ERBB4: variants seen among roughly 807,000 people sequenced by gnomAD.
The protein encoded by ERBB4 is erb-b2 receptor tyrosine kinase 4, also known as receptor tyrosine-protein kinase erbB-4.
Under a neutral mutation model 158.0 loss-of-function variants are expected in ERBB4, and 42 were observed. That is an observed-to-expected ratio of 0.27 (90% CI 0.21 to 0.34). ERBB4 has a LOEUF of 0.34. ERBB4 is among the 10% of genes least tolerant of loss of function. ERBB4 has a pLI of 1.00. For synonymous variants in ERBB4, 583 were observed against 558.7 expected, an observed-to-expected ratio of 1.04 and a Z score of -0.61; for missense variants, 1,333 against 1,624.1, an observed-to-expected ratio of 0.82 and a Z score of 3.08.
chr2:212,335,964 G>A (rs1355657899), intron 1 of ERBB4, among the ~76,000 whole-genome samples: 2 of 151,918 alleles, frequency 1.3e-5, no homozygotes, highest in Non-Finnish European at 2.9e-5. Context: ...ATTGTACAAT[G>A]CCTAATATAC....
At chr2:211,827,531 AT>A (rs1186975771) in intron 3 of ERBB4, among the ~76,000 whole-genome samples, 2 of 151,680 alleles carry the variant, frequency 1.3e-5, no homozygotes, top group African/African-American at 4.8e-5. Flanking sequence ...TTGGGATTTT[AT>A]TTTTAAAAAT....
At chr2:212,124,538 C>A in intron 2 of ERBB4, 1 of 568,004 alleles carries the variant, frequency 1.8e-6, no homozygotes, top group Non-Finnish European at 3.1e-6. Context: ...AGGGCAACAG[C>A]AACTGCTTTA....
chr2:212,208,601 G>A (rs144226208), intron 1 of ERBB4, among the ~76,000 whole-genome samples: 1 of 152,200 alleles, frequency 6.6e-6, no homozygotes, highest in East Asian at 1.9e-4. Context: ...TAATAATGAT[G>A]GATTTAAAGT....
intron 4 of ERBB4, among the ~76,000 whole-genome samples, chr2:211,762,941 TCTC>T (rs1305721507): frequency 2.0e-5 from 3 of 152,128 alleles, no homozygotes; most frequent in African/African-American, 7.2e-5. Flanking sequence ...ACTAAACCAT[TCTC>T]CTCAAGTATT....
intron 1 of ERBB4, among the ~76,000 whole-genome samples, chr2:212,198,521 T>C (rs1315922460): frequency 1.3e-5 from 2 of 152,174 alleles, no homozygotes; most frequent in Non-Finnish European, 2.9e-5. Flanking sequence ...AATCGTATTG[T>C]AGTATGTGTT....
At position 211,967,653 on chromosome 2, in the gene ERBB4, T is replaced by C. The variant is rs1000398148; in HGVS notation, c.235-20037A>G. On this transcript the variant is annotated intron_variant, in intron 2 of 27. Coordinates refer to ENST00000342788, the MANE Select transcript of ERBB4 (RefSeq NM_005235.3). ...AATAAAGAATTACATAGAATATATA[T>C]GCAGGTTATTTTGAAGATTATAATA... 2.0e-5 allele frequency among the ~76,000 whole-genome samples: 3 copies of C among 152,064 alleles called. No individual in the cohort carries two copies. The East Asian group carries it at 5.8e-4, about 29-fold the overall frequency.
chr2:212,246,753 A>G (rs1414859599), intron 1 of ERBB4, among the ~76,000 whole-genome samples: 1 of 152,200 alleles, frequency 6.6e-6, no homozygotes, highest in Non-Finnish European at 1.5e-5. Flanking sequence ...AGAGAAAAAA[A>G]TAATAGGAAG....
At chr2:212,505,443 C>G (rs1328377965) in intron 1 of ERBB4, among the ~76,000 whole-genome samples, 2 of 124,086 alleles carry the variant, frequency 1.6e-5, no homozygotes, top group Non-Finnish European at 2.0e-5. Context: ...CAAGTGAGGA[C>G]ACAATGAGGT....
intron 3 of ERBB4, among the ~76,000 whole-genome samples, chr2:211,861,026 A>T (rs10166092): frequency 8.0e-4 from 6 of 7,512 alleles, no homozygotes; most frequent in Admixed American, 2.4e-3. Flanking sequence ...TTATATATAT[A>T]TAAATATAAT....
intron 3 of ERBB4, among the ~76,000 whole-genome samples, chr2:211,869,672 G>A (rs2106109456): frequency 6.6e-6 from 1 of 152,186 alleles, no homozygotes; most frequent in South Asian, 2.1e-4. Flanking sequence ...AAATTACATT[G>A]CTTAAAATAT....
chr2:212,254,379 A>G (rs933106245), intron 1 of ERBB4, among the ~76,000 whole-genome samples: 2 of 152,192 alleles, frequency 1.3e-5, no homozygotes, highest in African/African-American at 2.4e-5. Context: ...TGATCACACC[A>G]CAGAGGAAAC....
intron 3 of ERBB4, among the ~76,000 whole-genome samples, chr2:211,887,242 T>C (rs2078827345): frequency 7.6e-6 from 1 of 132,114 alleles, no homozygotes; most frequent in Non-Finnish European, 1.7e-5. Flanking sequence ...AGTTGAAAGA[T>C]AACAGAGGAT....
intron 14 of ERBB4, 30 bp downstream of exon 14, chr2:211,673,134 C>T (rs2105938578): frequency 1.4e-6 from 2 of 1,471,504 alleles, no homozygotes; most frequent in Non-Finnish European, 1.9e-6. Context: ...ACTAAATAAG[C>T]CAACACACCA....
intron 1 of ERBB4, among the ~76,000 whole-genome samples, chr2:212,195,864 T>C (rs1011479150): frequency 3.3e-5 from 5 of 152,170 alleles, no homozygotes; most frequent in Non-Finnish European, 5.9e-5. Context: ...CCTTTCGTTA[T>C]AGAGTTCTTT....
intron 19 of ERBB4, among the ~76,000 whole-genome samples, chr2:211,596,654 T>C (rs369548733): frequency 6.6e-6 from 1 of 152,156 alleles, no homozygotes; most frequent in East Asian, 1.9e-4. Flanking sequence ...CCTAGTTTTA[T>C]AATCTTTTTC....
At position 211,749,846 on chromosome 2, in the gene ERBB4, T is replaced by C. The variant is rs954707702; in HGVS notation, c.622+793A>G. Among the ~76,000 whole-genome samples the C allele has an allele frequency of 9.9e-5, 15 of 152,186 alleles. 1 individual carries two copies. Among genetic ancestry groups the C allele is most frequent in the African/African-American group, 3.4e-4 (14 of 41,458 alleles). On this transcript the variant is annotated intron_variant, in intron 5 of 27. Coordinates refer to ENST00000342788, the MANE Select transcript of ERBB4 (RefSeq NM_005235.3). ...AGAAATATATTTCAACTTGTCACTATATTTTTTCCATATCATATTTCAGTC... is the reference window on the plus strand; with the variant it reads ...AGAAATATATTTCAACTTGTCACTACATTTTTTCCATATCATATTTCAGTC...
intron 1 of ERBB4, among the ~76,000 whole-genome samples, chr2:212,300,658 G>A (rs1467782906): frequency 6.6e-6 from 1 of 151,272 alleles, no homozygotes; most frequent in Non-Finnish European, 1.5e-5. Context: ...ACAAACAAGG[G>A]GCCAGAGTTA....
intron 20 of ERBB4, among the ~76,000 whole-genome samples, chr2:211,480,093 G>A (rs556552633): frequency 6.6e-6 from 1 of 152,144 alleles, no homozygotes; most frequent in African/African-American, 2.4e-5. Flanking sequence ...CATTGGAACT[G>A]ACTTAACCCT....
intron 1 of ERBB4, among the ~76,000 whole-genome samples, chr2:212,384,468 T>C (rs2090608747): frequency 6.6e-6 from 1 of 151,606 alleles, no homozygotes; most frequent in African/African-American, 2.4e-5. Flanking sequence ...GGCAAATTCT[T>C]TTCTACCATT....
Sources: gnomAD v4.1 joint callset for allele counts (sites outside exome capture counted in the v4.1 genomes callset) on GRCh38, gnomAD v4.1.1 for gene constraint, MANE v1.5 for transcripts, NCBI Gene and HGNC (gene_info 2026-07-23, HGNC 2026-07-21) for gene names.